ATXN7: variants seen among roughly 807,000 people sequenced by gnomAD.
The protein encoded by ATXN7 is ataxin 7.
Under a neutral mutation model 70.5 loss-of-function variants are expected in ATXN7, and 12 were observed. The observed-to-expected ratio is 0.17, with a 90% CI of 0.11 to 0.28. The LOEUF (loss-of-function observed/expected upper bound fraction) is 0.28, where lower values mean the gene tolerates loss of function less well. Ranked by LOEUF, ATXN7 falls within the 10% of genes least tolerant of loss-of-function variation. ATXN7 has a pLI of 1.00. For synonymous variants in ATXN7, 498 were observed against 448.7 expected, an observed-to-expected ratio of 1.11 and a Z score of -1.39; for missense variants, 1,256 against 1,131.7, an observed-to-expected ratio of 1.11 and a Z score of -1.58.
chr3:63,863,642 G>A (rs975065996), upstream of ATXN7: 14 of 1,212,666 alleles, frequency 1.2e-5, no homozygotes, highest in African/African-American at 2.1e-4. Flanking sequence ...AGGTCGGGAA[G>A]GCCGAAGCGC....
At chr3:63,991,066 A>G in intron 11 of ATXN7, 1 of 661,174 alleles carries the variant, frequency 1.5e-6, no homozygotes, top group East Asian at 3.0e-5. Context: ...CATTCAAAGC[A>G]GAAGGACTCC....
chr3:63,947,495 G>A (rs2074883361), intron 4 of ATXN7, among the ~76,000 whole-genome samples: 1 of 152,158 alleles, frequency 6.6e-6, no homozygotes, highest in Non-Finnish European at 1.5e-5. Context: ...AGGAGGCTGA[G>A]GTGGAAGGAT....
At chr3:63,892,861 G>A (rs1209910581) in intron 1 of ATXN7, among the ~76,000 whole-genome samples, 1 of 152,214 alleles carries the variant, frequency 6.6e-6, no homozygotes, top group Non-Finnish European at 1.5e-5. Context: ...AGGGCAGTAG[G>A]CATGATGACC....
intron 4 of ATXN7, among the ~76,000 whole-genome samples, chr3:63,949,864 C>T (rs1163190053): frequency 6.6e-6 from 1 of 152,156 alleles, no homozygotes; most frequent in Non-Finnish European, 1.5e-5. Flanking sequence ...GGTTATGCCG[C>T]TTTCTTGCTG....
chr3:63,944,675 GA>G (rs1281253614), intron 4 of ATXN7, among the ~76,000 whole-genome samples: 3 of 152,162 alleles, frequency 2.0e-5, no homozygotes, highest in African/African-American at 7.2e-5. Flanking sequence ...GATTACTGTA[GA>G]CCAGACTTCT....
At chr3:63,990,980 T>C (rs2075662588) in intron 11 of ATXN7, 121 bp downstream of exon 11, 14 of 1,455,228 alleles carry the variant, frequency 9.6e-6, no homozygotes, top group Non-Finnish European at 1.3e-5. Flanking sequence ...CCTTTGGCCC[T>C]GAGAAGAAGG....
chr3:63,919,334 A>G (rs920776323), intron 4 of ATXN7, among the ~76,000 whole-genome samples: 4 of 152,214 alleles, frequency 2.6e-5, no homozygotes, highest in South Asian at 2.1e-4. Context: ...GGTTCTTTAC[A>G]GGAAAAGTTT....
At chr3:63,949,689 C>T (rs1028951157) in intron 4 of ATXN7, among the ~76,000 whole-genome samples, 3 of 152,104 alleles carry the variant, frequency 2.0e-5, no homozygotes, top group Non-Finnish European at 2.9e-5. Flanking sequence ...TGAGCCACCG[C>T]GCCTGGCCCA....
At chr3:63,887,416 AG>A (rs1383437636) in intron 1 of ATXN7, among the ~76,000 whole-genome samples, 1 of 152,270 alleles carries the variant, frequency 6.6e-6, no homozygotes, top group East Asian at 1.9e-4. Flanking sequence ...ATACATTTTA[AG>A]AAGTCTATTG....
At position 63,960,742 on chromosome 3, in the gene ATXN7, G is replaced by T. The variant is rs1487433904; in HGVS notation, c.499+8259G>T. On this transcript the variant is annotated intron_variant, in intron 5 of 12. Transcript: ENST00000674280. ...TTGTATATGGGCATTTATTTTTAATGAGGTGCACTGACCTGAATAAAAAGT... is the reference window on the plus strand; with the variant it reads ...TTGTATATGGGCATTTATTTTTAATTAGGTGCACTGACCTGAATAAAAAGT... 2.0e-5 allele frequency among the ~76,000 whole-genome samples: 3 copies of T among 152,100 alleles called. No homozygotes were observed. The South Asian group carries it at 6.2e-4, about 32-fold the overall frequency.
At chr3:63,915,946 C>T (rs557430523) in intron 4 of ATXN7, among the ~76,000 whole-genome samples, 6 of 152,038 alleles carry the variant, frequency 3.9e-5, no homozygotes, top group African/African-American at 1.2e-4. Flanking sequence ...TCAGCCTCCA[C>T]GAAGTGCTGG....
intron 1 of ATXN7, among the ~76,000 whole-genome samples, chr3:63,892,495 C>CCCACACACA (rs1559622155): frequency 7.9e-6 from 1 of 126,852 alleles, no homozygotes; most frequent in Admixed American, 8.0e-5. Context: ...ACACACACAC[C>CCCACACACA]CACACACACA....
At chr3:63,924,003 A>G (rs866951528) in intron 4 of ATXN7, among the ~76,000 whole-genome samples, 2 of 152,174 alleles carry the variant, frequency 1.3e-5, no homozygotes, top group Non-Finnish European at 2.9e-5. Context: ...TCATGTTAAG[A>G]TCACTGGCTA....
At chr3:63,990,537 A>G (rs1575997493) in intron 10 of ATXN7, 163 bp downstream of exon 10, 1 of 1,138,330 alleles carries the variant, frequency 8.8e-7, no homozygotes, top group East Asian at 2.5e-5. Flanking sequence ...CACACTCTGT[A>G]CGGGGGACAT....
chr3:63,943,677 G>A (rs905671723), intron 4 of ATXN7, among the ~76,000 whole-genome samples: 1 of 152,162 alleles, frequency 6.6e-6, no homozygotes, highest in Admixed American at 6.5e-5. Context: ...CACAACTTGA[G>A]TTCTTCTATT....
intron 4 of ATXN7, among the ~76,000 whole-genome samples, chr3:63,922,906 A>T (rs997246193): frequency 6.6e-6 from 1 of 152,184 alleles, no homozygotes; most frequent in Admixed American, 6.5e-5. Context: ...ATTCTGTGTA[A>T]TCCCACTCTG....
chr3:63,999,732 C>A lies in ATXN7; in HGVS notation c.*265C>A. The A allele has an allele frequency of 1.7e-6, 1 of 594,700 alleles. No individual in the cohort carries two copies. The highest frequency in any genetic ancestry group is 2.3e-5 in the South Asian group (1 of 44,246). The allele number at this position is 594,700 out of a possible 1,614,324, so 36.8% of individuals were successfully genotyped here. A position where few individuals can be genotyped will look rare whatever the true frequency, so the allele number is the denominator to read the frequency against. The stretch of plus-strand genomic sequence containing the variant: ...GTGTTAAAGTGGTCTGAACTGCTTG[C>A]TACCAATCTGTGAGAAGTTTTTGTT... On this transcript the variant is annotated 3_prime_UTR_variant, in exon 13 of 13. Coordinates refer to ENST00000674280, the MANE Select transcript of ATXN7 (RefSeq NM_001377405.1).
Position 63,912,846 on chromosome 3 carries a change from C to T in ATXN7, c.248C>T (p.Pro83Leu), listed in dbSNP as rs1418842509. ...AAMATVGERR[P>L]LPSPEVMLGQ... ...ATGGCGACGGTCGGGGAGCGCAGGC[C>T]TCTGCCCAGTCCTGAAGTGATGCTG... Residue 83 changes from proline to leucine, a missense_variant, in exon 3 of 13, where the codon CCT becomes CTT. Pro to Leu is a moderately conservative substitution (Grantham distance 98, BLOSUM62 -3). Transcript: ENST00000674280. 3.1e-6 allele frequency: 5 copies of T among 1,612,654 alleles called. No individual in the cohort carries two copies. The highest frequency in any genetic ancestry group is 4.2e-6 in the Non-Finnish European group (5 of 1,179,446).
chr3:63,909,468 G>A (rs1703942016), intron 2 of ATXN7, among the ~76,000 whole-genome samples: 1 of 152,198 alleles, frequency 6.6e-6, no homozygotes, highest in Non-Finnish European at 1.5e-5. Flanking sequence ...TGGTGGTATG[G>A]AAAGGGGATT....
Sources: allele counts gnomAD v4.1 joint callset (sites outside exome capture counted in the v4.1 genomes callset), GRCh38; gene constraint gnomAD v4.1.1; transcripts MANE v1.5; gene names NCBI Gene and HGNC (gene_info 2026-07-23, HGNC 2026-07-21).